Variants in BRWD1 observed in about 807,000 individuals in gnomAD.
BRWD1 encodes the protein bromodomain and WD repeat domain containing 1.
Under a neutral mutation model 251.2 loss-of-function variants are expected in BRWD1, and 82 were observed. That is an observed-to-expected ratio of 0.33 (90% confidence interval 0.27 to 0.39). The LOEUF (loss-of-function observed/expected upper bound fraction) is 0.39. BRWD1 is among the 10% of genes least tolerant of loss of function. The pLI is 1.00. For missense variants in BRWD1, 2,233 were observed against 2,711.6 expected, an observed-to-expected ratio of 0.82 and a Z score of 3.92; for synonymous variants, 918 against 902.8, an observed-to-expected ratio of 1.02 and a Z score of -0.30.
chr21:39,279,653 A>AG (rs765230860), intron 9 of BRWD1, among the ~76,000 whole-genome samples: 12,956 of 81,592 alleles, frequency 0.16, 667 homozygotes, highest in Non-Finnish European at 0.23. Context: ...AAAAAAAAAA[A>AG]AAAGAAAAAA....
chr21:39,225,299 G>A, intron 27 of BRWD1, 102 bp from the exon 28 acceptor site: 4 of 766,578 alleles, frequency 5.2e-6, no homozygotes, highest in Admixed American at 2.5e-5. Context: ...AAAGCCAAAA[G>A]CACAATACAA....
intron 15 of BRWD1, among the ~76,000 whole-genome samples, chr21:39,265,222 A>G (rs970697622): frequency 2.0e-5 from 3 of 152,068 alleles, no homozygotes; most frequent in Non-Finnish European, 4.4e-5. Context: ...ACAGGAGTTC[A>G]AGACCACCCT....
chr21:39,249,952 G>A (rs2034339444), intron 20 of BRWD1, among the ~76,000 whole-genome samples: 1 of 136,098 alleles, frequency 7.3e-6, no homozygotes, highest in African/African-American at 2.6e-5. Context: ...GTGTGTGTGT[G>A]TGTGTATACA....
chr21:39,309,620 C>G (rs999824463), intron 4 of BRWD1, among the ~76,000 whole-genome samples: 5 of 145,830 alleles, frequency 3.4e-5, no homozygotes, highest in African/African-American at 5.0e-5. Context: ...GTCAGGAGAT[C>G]GAGACCATCC....
intron 26 of BRWD1, 112 bp downstream of exon 26, chr21:39,229,198 CCA>C: frequency 1.1e-6 from 1 of 924,004 alleles, no homozygotes; most frequent in Non-Finnish European, 1.6e-6. Flanking sequence ...CTTAGGCTAT[CCA>C]CAGTGCTCTA....
chr21:39,220,852 A>C (rs538040759), intron 29 of BRWD1, among the ~76,000 whole-genome samples: 1 of 152,136 alleles, frequency 6.6e-6, no homozygotes, highest in Non-Finnish European at 1.5e-5. Context: ...TAAATATATA[A>C]GATAAAAATA....
At chr21:39,296,234 T>C in intron 6 of BRWD1, 31 bp downstream of exon 6, 1 of 1,507,432 alleles carries the variant, frequency 6.6e-7, no homozygotes, top group South Asian at 1.3e-5. Context: ...AAACAATTAT[T>C]TCAGGCATCT....
In BRWD1 at chr21:39,197,349, G is replaced by C; in HGVS notation, c.5720C>G (p.Ser1907Ter). 6.2e-7 allele frequency: 1 copy of C among 1,613,750 alleles called. No homozygotes were observed. The highest frequency in any genetic ancestry group is 1.7e-5 in the Admixed American group (1 of 59,994). Residue 1907 changes from serine to a stop codon, truncating the protein, a stop_gained, in exon 41 of 41, where the codon TCA (serine) becomes TGA (stop). Coordinates refer to ENST00000342449, the MANE Select transcript of BRWD1 (RefSeq NM_033656.4). LOFTEE classifies it low-confidence loss of function (END_TRUNC). ...CTTAACCACCTGTAAACTACTGTCT[G>C]AGTCACTGGAACAGACCCTTTTCCT... ...ISRKRVCSSD[S>*]DSSLQVVKKS...
intron 11 of BRWD1, 120 bp downstream of exon 11, chr21:39,277,131 T>A: frequency 1.8e-6 from 1 of 552,832 alleles, no homozygotes; most frequent in Non-Finnish European, 2.9e-6. Context: ...TAAATGACAG[T>A]TCATTTGTTC....
chr21:39,310,933 A>G (rs1458319190), intron 4 of BRWD1, among the ~76,000 whole-genome samples: 1 of 152,172 alleles, frequency 6.6e-6, no homozygotes, highest in Admixed American at 6.5e-5. Flanking sequence ...TAACAAAAGA[A>G]TAATTCTCTA....
chr21:39,231,009 G>A (rs1274393675), intron 25 of BRWD1, among the ~76,000 whole-genome samples: 1 of 152,074 alleles, frequency 6.6e-6, no homozygotes, highest in Non-Finnish European at 1.5e-5. Context: ...ACTGTACTTA[G>A]GTACACAGTC....
chr21:39,196,186 A>G lies in BRWD1; in HGVS notation c.*73T>C, dbSNP rs957180672. The G allele has an allele frequency of 4.0e-5, 59 of 1,486,950 alleles. No homozygotes were observed. Among genetic ancestry groups the G allele is most frequent in the Non-Finnish European group, 5.0e-5 (56 of 1,123,378 alleles). The allele number at this position is 1,486,950 out of a possible 1,614,324, so 92.1% of individuals were successfully genotyped here. On this transcript the variant is annotated 3_prime_UTR_variant, in exon 41 of 41. Transcript: ENST00000342449. ...ATTCCCTGAATTGTAAGACAAAAAA[A>G]TAATTTTAACAGCCAGCTTTCACCA...
At chr21:39,284,060 G>A (rs896144038) in intron 8 of BRWD1, among the ~76,000 whole-genome samples, 1 of 152,168 alleles carries the variant, frequency 6.6e-6, no homozygotes, top group African/African-American at 2.4e-5. Flanking sequence ...ATGAGCTTAA[G>A]AACGTCTACT....
chr21:39,232,333 A>C (rs376835386), intron 24 of BRWD1, 40 bp downstream of exon 24: 1 of 1,603,028 alleles, frequency 6.2e-7, no homozygotes, highest in Non-Finnish European at 8.5e-7. Flanking sequence ...TATAAACTTT[A>C]TGTTCCATAT....
At chr21:39,243,187 A>G (rs1039402423) in intron 21 of BRWD1, among the ~76,000 whole-genome samples, 4 of 152,236 alleles carry the variant, frequency 2.6e-5, no homozygotes, top group Non-Finnish European at 2.9e-5. Flanking sequence ...TGAGAAGAAC[A>G]GTATATTTTC....
chr21:39,185,295 TAAAAAAAAAAAA>T (rs10525862), downstream of BRWD1: 6 of 71,838 alleles, frequency 8.4e-5, no homozygotes, highest in South Asian at 5.2e-4. Context: ...CTGAAATTGC[TAAAAAAAAAAAA>T]AAAAAAAAAA....
At chr21:39,224,259 G>A (rs939561617) in intron 29 of BRWD1, 149 bp downstream of exon 29, 8 of 481,120 alleles carry the variant, frequency 1.7e-5, no homozygotes, top group African/African-American at 1.0e-4. Flanking sequence ...AGATAAACAC[G>A]ATGCTGTTGT....
chr21:39,287,249 A>C (rs974639183), intron 8 of BRWD1, among the ~76,000 whole-genome samples: 20 of 152,180 alleles, frequency 1.3e-4, no homozygotes, highest in Non-Finnish European at 2.1e-4. Flanking sequence ...AGGCTCACAC[A>C]TTACACTAAC....
intron 30 of BRWD1, 48 bp downstream of exon 30, chr21:39,218,457 A>C (rs560060574): frequency 1.4e-5 from 21 of 1,499,018 alleles, no homozygotes; most frequent in Non-Finnish European, 1.9e-5. Flanking sequence ...TACCTTTATG[A>C]AAAAAATTGA....
Sources: gnomAD v4.1 joint callset for allele counts (sites outside exome capture counted in the v4.1 genomes callset) on GRCh38, gnomAD v4.1.1 for gene constraint, MANE v1.5 for transcripts, NCBI Gene and HGNC (gene_info 2026-07-23, HGNC 2026-07-21) for gene names.